Variants in PAK3 observed in about 807,000 individuals in gnomAD.
PAK3 encodes p21 (RAC1) activated kinase 3, also known as serine/threonine-protein kinase PAK 3.
In PAK3, 4 loss-of-function variants were observed where a neutral mutation model predicts 41.0. The observed-to-expected ratio is 0.10, with a 90% confidence interval of 0.05 to 0.22. PAK3 has a LOEUF of 0.22. Among genes scored for constraint, PAK3 ranks in the 10% least tolerant of loss-of-function variants. The pLI, the probability that PAK3 is intolerant of heterozygous loss-of-function variation, is 1.00. For missense variants in PAK3, 205 were observed against 409.9 expected, an observed-to-expected ratio of 0.50 and a Z score of 4.32; for synonymous variants, 146 against 139.6, an observed-to-expected ratio of 1.05 and a Z score of -0.32.
Position 111,206,373 on chromosome X carries a change from G to A in PAK3, c.1407+9733G>A, listed in dbSNP as rs187174737. Reference sequence around the variant, plus strand: ...TTGAGTGCCCAGGGTTGCTTCATAAGCACAAGCAGCCCCCTCTGCAATTCT... The same window carrying A: ...TTGAGTGCCCAGGGTTGCTTCATAAACACAAGCAGCCCCCTCTGCAATTCT... On this transcript the variant is annotated intron_variant, in intron 16 of 17. Transcript: ENST00000372007. 3.3e-4 allele frequency among the ~76,000 whole-genome samples: 37 copies of A among 111,494 alleles called. No individual in the cohort carries two copies. The East Asian group carries it at 9.6e-3, about 29-fold the overall frequency.
chrX:111,221,722 C>T lies in PAK3; in HGVS notation c.*1275C>T, dbSNP rs1436178508. 8.1e-5 allele frequency: 9 copies of T among 111,543 alleles called. No individual in the cohort carries two copies. The highest frequency in any genetic ancestry group is 7.6e-4 in the Admixed American group (8 of 10,522). The allele number at this position is 111,543 out of a possible 1,213,427, so 9.2% of individuals were successfully genotyped here. Reference sequence around the variant, plus strand: ...CCCAATCAATATTTGGCTCTAAGTACCTCTTCCCATTTTTCCTATGTATCA... The same window carrying T: ...CCCAATCAATATTTGGCTCTAAGTATCTCTTCCCATTTTTCCTATGTATCA... On this transcript the variant is annotated 3_prime_UTR_variant, in exon 18 of 18. Coordinates refer to ENST00000372007, the MANE Select transcript of PAK3 (RefSeq NM_002578.5).
At chrX:111,178,506 A>T (rs1236790381) in intron 11 of PAK3, among the ~76,000 whole-genome samples, 1 of 111,892 alleles carries the variant, frequency 8.9e-6, no homozygotes, top group East Asian at 2.8e-4. Context: ...CACGTATCTC[A>T]TAAGGTTGTA....
At chrX:111,077,666 G>T (rs1167875669) in intron 1 of PAK3, among the ~76,000 whole-genome samples, 5 of 111,618 alleles carry the variant, frequency 4.5e-5, no homozygotes, top group Non-Finnish European at 7.5e-5. Context: ...AGTCAAAATG[G>T]GTTGAAGACT....
chrX:111,100,365 G>T (rs1213550232), intron 3 of PAK3, among the ~76,000 whole-genome samples: 1 of 111,247 alleles, frequency 9.0e-6, no homozygotes, highest in Admixed American at 9.5e-5. Context: ...GCACAACAGT[G>T]CCCTCTAGTG....
intron 16 of PAK3, among the ~76,000 whole-genome samples, chrX:111,202,356 G>C (rs2094693610): frequency 9.0e-6 from 1 of 111,017 alleles, no homozygotes; most frequent in African/African-American, 3.3e-5. Context: ...TACCCTTCCA[G>C]AGAGAGAGGA....
intron 8 of PAK3, among the ~76,000 whole-genome samples, chrX:111,161,599 G>A (rs2094190064): frequency 1.8e-5 from 2 of 111,207 alleles, no homozygotes; most frequent in African/African-American, 6.6e-5. Context: ...TATGGTTTTA[G>A]GTCTAACATG....
At chrX:110,960,920 T>G (rs2090965688) in intron 1 of PAK3, among the ~76,000 whole-genome samples, 1 of 111,955 alleles carries the variant, frequency 8.9e-6, no homozygotes, top group Non-Finnish European at 1.9e-5. Flanking sequence ...TTCGTGGATG[T>G]TAGTCCCTCC....
At chrX:111,142,291 A>G in intron 6 of PAK3, 95 bp downstream of exon 6, 1 of 587,450 alleles carries the variant, frequency 1.7e-6, no homozygotes, top group Non-Finnish European at 3.0e-6. Context: ...AAAATGTCAG[A>G]CTTAATATTT....
intron 1 of PAK3, among the ~76,000 whole-genome samples, chrX:110,987,636 G>C (rs2091568492): frequency 9.0e-6 from 1 of 111,718 alleles, no homozygotes; most frequent in African/African-American, 3.3e-5. Flanking sequence ...AGAGAAAATA[G>C]ACCCACATAT....
At chrX:111,080,096 G>A (rs2092821766) in intron 1 of PAK3, among the ~76,000 whole-genome samples, 1 of 112,436 alleles carries the variant, frequency 8.9e-6, no homozygotes, top group Non-Finnish European at 1.9e-5. Flanking sequence ...AAATAACAAA[G>A]GATTTGGGAT....
In PAK3 at chrX:110,949,859, G is replaced by A. The variant is rs1052996677; in HGVS notation, c.-28+5231G>A. Among the ~76,000 whole-genome samples, 5 of 111,633 alleles carry A rather than the reference G, an allele frequency of 4.5e-5. No homozygotes were observed. In the East Asian group the frequency reaches 1.4e-3, roughly 31 times the overall value. On this transcript the variant is annotated intron_variant, in intron 1 of 14. Coordinates refer to the PAK3 transcript ENST00000425146. ...GCTAGGCAGGTGGGAAATTTGGGAGGACTGGGGAGGGGGTCAGTCCAGAAA... is the reference window on the plus strand; with the variant it reads ...GCTAGGCAGGTGGGAAATTTGGGAGAACTGGGGAGGGGGTCAGTCCAGAAA...
At chrX:110,994,911 A>G (rs2091714805) in intron 1 of PAK3, among the ~76,000 whole-genome samples, 1 of 112,104 alleles carries the variant, frequency 8.9e-6, no homozygotes, top group East Asian at 2.8e-4. Context: ...ATGTGATTAT[A>G]TTACCTACTC....
In PAK3 at chrX:111,226,729, T is replaced by A. The variant is rs777896291; in HGVS notation, c.*6282T>A. The A allele has an allele frequency of 8.9e-5, 10 of 112,126 alleles. No homozygotes were observed. The highest frequency in any genetic ancestry group is 2.6e-4 in the African/African-American group (8 of 30,832). The allele number at this position is 112,126 out of a possible 1,213,427, so 9.2% of individuals were successfully genotyped here. On this transcript the variant is annotated 3_prime_UTR_variant, in exon 18 of 18. Coordinates refer to ENST00000372007, the MANE Select transcript of PAK3 (RefSeq NM_002578.5). ...ACTGGGAGTTAGTGGATGGTCCCAATGCCCTGCCTACAGCAGAGTGCCAAC... is the reference window on the plus strand; with the variant it reads ...ACTGGGAGTTAGTGGATGGTCCCAAAGCCCTGCCTACAGCAGAGTGCCAAC...
chrX:111,110,125 G>A (rs1164557383), intron 4 of PAK3, among the ~76,000 whole-genome samples: 2 of 112,329 alleles, frequency 1.8e-5, no homozygotes, highest in African/African-American at 3.2e-5. Flanking sequence ...AGATTTCAGT[G>A]AATGATAGCG....
intron 1 of PAK3, among the ~76,000 whole-genome samples, chrX:110,947,451 A>G (rs2090641252): frequency 9.0e-6 from 1 of 111,532 alleles, no homozygotes; most frequent in Non-Finnish European, 1.9e-5. Context: ...CTGTCTAGTT[A>G]CTAGACAGTG....
Position 111,140,065 on chromosome X carries a change from C to T in PAK3, c.176-2031C>T, listed in dbSNP as rs1031721435. Among the ~76,000 whole-genome samples, 8 of 111,167 alleles carry T rather than the reference C, an allele frequency of 7.2e-5. No individual in the cohort carries two copies. In the East Asian group the frequency reaches 8.6e-4, roughly 12 times the overall value. Reference sequence around the variant, plus strand: ...CCCTTCCAGGGCCCTGGAGGGGCCCCGGTACATTTGTATTTGTAATTTTAT... The same window carrying T: ...CCCTTCCAGGGCCCTGGAGGGGCCCTGGTACATTTGTATTTGTAATTTTAT... On this transcript the variant is annotated intron_variant, in intron 5 of 17. Coordinates refer to ENST00000372007, the MANE Select transcript of PAK3 (RefSeq NM_002578.5).
At chrX:111,126,488 T>C (rs1401294607) in intron 5 of PAK3, among the ~76,000 whole-genome samples, 1 of 111,004 alleles carries the variant, frequency 9.0e-6, no homozygotes, top group Non-Finnish European at 1.9e-5. Flanking sequence ...ACAGTCAGTC[T>C]TGAACTAATG....
At chrX:111,057,285 G>A (rs779509268) in intron 1 of PAK3, among the ~76,000 whole-genome samples, 2 of 111,328 alleles carry the variant, frequency 1.8e-5, no homozygotes, top group South Asian at 7.6e-4. Context: ...TTCAAGAATG[G>A]CCATGATTCA....
intron 1 of PAK3, among the ~76,000 whole-genome samples, chrX:110,990,673 G>A (rs964456722): frequency 5.4e-5 from 6 of 110,943 alleles, no homozygotes; most frequent in Non-Finnish European, 9.4e-5. Context: ...TCTTTTACTG[G>A]TCAGGGGCAA....
Sources: allele counts gnomAD v4.1 joint callset (sites outside exome capture counted in the v4.1 genomes callset), GRCh38; gene constraint gnomAD v4.1.1; transcripts MANE v1.5; gene names NCBI Gene and HGNC (gene_info 2026-07-23, HGNC 2026-07-21).